The following ZNF112 variants were observed in gnomAD, a reference collection of about 807,000 sequenced individuals.
The protein encoded by ZNF112 is zinc finger protein 112.
Under a neutral mutation model 77.7 loss-of-function variants are expected in ZNF112, and 37 were observed. That is an observed-to-expected ratio of 0.48 (90% CI 0.37 to 0.63). The LOEUF is 0.63. ZNF112 is among the 20% of genes least tolerant of loss of function. The pLI, the probability that ZNF112 is intolerant of heterozygous loss-of-function variation, is 0.00. For missense variants in ZNF112, 950 were observed against 1,077.4 expected, an observed-to-expected ratio of 0.88 and a Z score of 1.66; for synonymous variants, 333 against 363.6, an observed-to-expected ratio of 0.92 and a Z score of 0.96.
At chr19:44,360,498 A>G (rs926568892), upstream of ZNF112, among the ~76,000 whole-genome samples, 1 of 152,204 alleles carries the variant, frequency 6.6e-6, no homozygotes, top group Non-Finnish European at 1.5e-5. Context: ...TGAAATATTG[A>G]AAACATTTCC....
intron 1 of ZNF112, among the ~76,000 whole-genome samples, chr19:44,356,095 G>C (rs1970781410): frequency 6.6e-6 from 1 of 152,084 alleles, no homozygotes; most frequent in South Asian, 2.1e-4. Flanking sequence ...AAAGGGCCAG[G>C]GATACTCTGC....
intron 1 of ZNF112, among the ~76,000 whole-genome samples, chr19:44,345,727 T>C (rs574851166): frequency 1.3e-5 from 2 of 152,314 alleles, no homozygotes; most frequent in East Asian, 3.9e-4. Context: ...GAATCTTTCA[T>C]GTCTGTCTGC....
At chr19:44,353,377 A>G (rs1227341205) in intron 1 of ZNF112, among the ~76,000 whole-genome samples, 1 of 152,126 alleles carries the variant, frequency 6.6e-6, no homozygotes, top group Non-Finnish European at 1.5e-5. Context: ...TCCAAAAAAG[A>G]TAACATTGAT....
In ZNF112 at chr19:44,327,596, GGTTTCTCTCCTGT is replaced by G; in HGVS notation, c.2548_2560del (p.Thr850HisfsTer67). The stretch of plus-strand genomic sequence containing the variant: ...CTTACCACATGCATCACATTTGTAT[GGTTTCTCTCCTGT>G]GTGGACTCTCTGGTGAGCCTGAAGA... On this transcript the variant is annotated frameshift_variant, in exon 4 of 4. Transcript: ENST00000354340. LOFTEE classifies it high-confidence loss of function. The G allele has an allele frequency of 6.2e-7, 1 of 1,614,056 alleles. No homozygotes were observed. The highest frequency in any genetic ancestry group is 8.5e-7 in the Non-Finnish European group (1 of 1,179,946).
In ZNF112 at chr19:44,329,206, T is replaced by G. The variant is rs1295942097; in HGVS notation, c.951A>C (p.Arg317Ser). 6.2e-7 allele frequency: 1 copy of G among 1,613,790 alleles called. No individual in the cohort carries two copies. The highest frequency in any genetic ancestry group is 1.3e-5 in the African/African-American group (1 of 74,932). Residue 317 changes from arginine to serine, a missense_variant, in exon 4 of 4, where the codon AGA (arginine) becomes AGC (serine). Coordinates refer to ENST00000354340, the MANE Select transcript of ZNF112 (RefSeq NM_013380.4). ...TGCATGGTTTCTCCTCTGTATGCAC[T>G]CTCTGATAGGATTTCAGATGTGAAT... ...IENSHLKSYQRVHTEEKPCKC... is the reference protein window; with the variant it reads ...IENSHLKSYQSVHTEEKPCKC...
intron 1 of ZNF112, among the ~76,000 whole-genome samples, chr19:44,342,128 A>G (rs1970500593): frequency 6.6e-6 from 1 of 152,252 alleles, no homozygotes; most frequent in Admixed American, 6.5e-5. Context: ...CTTTAAACTA[A>G]GTACCTGTAT....
intron 1 of ZNF112, among the ~76,000 whole-genome samples, chr19:44,366,702 G>A (rs1333800045): frequency 6.6e-6 from 1 of 151,488 alleles, no homozygotes; most frequent in Non-Finnish European, 1.5e-5. Flanking sequence ...TTCCTGTAGG[G>A]ATCAGAAAGA....
intron 2 of ZNF112, among the ~76,000 whole-genome samples, chr19:44,338,764 T>C (rs1171480002): frequency 1.3e-5 from 2 of 152,170 alleles, no homozygotes; most frequent in African/African-American, 2.4e-5. Flanking sequence ...AAAAATATGC[T>C]TTAAAGAATA....
chr19:44,337,119 C>T (rs1018257020), intron 2 of ZNF112, among the ~76,000 whole-genome samples: 2 of 150,846 alleles, frequency 1.3e-5, no homozygotes, highest in African/African-American at 4.9e-5. Context: ...AATCCTCTTG[C>T]CTTGGCCTCC....
upstream of ZNF112, among the ~76,000 whole-genome samples, chr19:44,359,937 T>C (rs1970838311): frequency 6.6e-6 from 1 of 152,036 alleles, no homozygotes; most frequent in Admixed American, 6.5e-5. Context: ...CTGACAAAAT[T>C]TGTGAGAGGC....
Position 44,327,610 on chromosome 19 carries a change from G to A in ZNF112, c.2547C>T (p.His849=). 2 of 1,614,066 alleles carry A rather than the reference G, an allele frequency of 1.2e-6. No individual in the cohort carries two copies. Among genetic ancestry groups the A allele is most frequent in the Non-Finnish European group, 1.7e-6 (2 of 1,179,964 alleles). ...CACATTTGTATGGTTTCTCTCCTGT[G>A]TGGACTCTCTGGTGAGCCTGAAGAT... is the stretch of plus-strand genomic sequence containing the variant. ...RSNLQAHQRV[H]TGEKPYKCDA... The change falls in exon 4 of 4, where the codon CAC becomes CAT. Residue 849 remains histidine (H), a synonymous_variant. Coordinates refer to ENST00000354340, the MANE Select transcript of ZNF112 (RefSeq NM_013380.4).
intron 1 of ZNF112, among the ~76,000 whole-genome samples, chr19:44,348,178 T>G (rs1000081258): frequency 6.6e-6 from 1 of 152,128 alleles, no homozygotes; most frequent in Non-Finnish European, 1.5e-5. Flanking sequence ...GAAGTGATTT[T>G]CTCTGAGTTT....
upstream of ZNF112, among the ~76,000 whole-genome samples, chr19:44,360,379 A>G (rs1295886622): frequency 1.0e-5 from 1 of 96,822 alleles, no homozygotes; most frequent in Non-Finnish European, 2.4e-5. Flanking sequence ...CAACCTAGGT[A>G]TCAGAGAAAA....
chr19:44,341,219 T>C (rs1287774147), intron 1 of ZNF112: 1 of 456,232 alleles, frequency 2.2e-6, no homozygotes, highest in African/African-American at 2.0e-5. Flanking sequence ...ATATTTTCAT[T>C]ATATCTTCTA....
At chr19:44,338,525 C>T (rs1011002559) in intron 2 of ZNF112, among the ~76,000 whole-genome samples, 1 of 152,184 alleles carries the variant, frequency 6.6e-6, no homozygotes, top group African/African-American at 2.4e-5. Flanking sequence ...GTGATTCCCT[C>T]AAAAGTGCAC....
At chr19:44,339,561 A>G (rs12972550) in intron 2 of ZNF112, among the ~76,000 whole-genome samples, 62,201 of 152,124 alleles carry the variant, frequency 0.41, 14,953 homozygotes, top group South Asian at 0.58. Context: ...TGCTGTCCAC[A>G]ACTCCACGGA....
chr19:44,348,664 T>C (rs1285127415), intron 1 of ZNF112, among the ~76,000 whole-genome samples: 4 of 152,098 alleles, frequency 2.6e-5, no homozygotes, highest in African/African-American at 7.2e-5. Context: ...CCAATGAAAT[T>C]AGTCACAAAA....
intron 3 of ZNF112, among the ~76,000 whole-genome samples, chr19:44,330,823 C>T (rs1320588380): frequency 6.6e-6 from 1 of 152,144 alleles, no homozygotes; most frequent in Non-Finnish European, 1.5e-5. Flanking sequence ...AGAGGATGTT[C>T]TTAAAACTGG....
intron 1 of ZNF112, chr19:44,341,061 T>C (rs577049967): frequency 1.3e-5 from 6 of 447,048 alleles, no homozygotes; most frequent in African/African-American, 1.0e-4. Flanking sequence ...GCTAGCTCTA[T>C]GATCTTGGAC....
Sources: gnomAD v4.1 joint callset for allele counts (sites outside exome capture counted in the v4.1 genomes callset) on GRCh38, gnomAD v4.1.1 for gene constraint, MANE v1.5 for transcripts, NCBI Gene and HGNC (gene_info 2026-07-23, HGNC 2026-07-21) for gene names.